CASQ2: variants seen among roughly 807,000 people sequenced by gnomAD.
CASQ2 encodes calsequestrin 2, also known as calsequestrin-2.
CASQ2 carries 49 observed loss-of-function variants against 46.5 expected under a neutral mutation model. The ratio of observed to expected loss-of-function variants is 1.05; its 90% confidence interval spans 0.84 to 1.34. The LOEUF (loss-of-function observed/expected upper bound fraction) is 1.34. CASQ2 is among the 40% of genes most tolerant of loss of function. The pLI is 0.00. For missense variants in CASQ2, 486 were observed against 481.3 expected (o/e 1.01, Z -0.09); for synonymous variants, 174 against 168.5 (o/e 1.03, Z -0.25).
chr1:115,766,353 A>C (rs7520260), intron 1 of CASQ2, among the ~76,000 whole-genome samples: 136,931 of 152,218 alleles, frequency 0.9, 61,753 homozygotes, highest in East Asian at 0.97. Context: ...TTCAGTTTCC[A>C]CATCTATAAA....
At chr1:115,703,072 C>T in intron 9 of CASQ2, 77 bp from the exon 10 acceptor site, 1 of 1,117,966 alleles carries the variant, frequency 8.9e-7, no homozygotes, top group Non-Finnish European at 1.3e-6. Flanking sequence ...CGTCCCATCA[C>T]AGTAACTAGG....
At chr1:115,709,630 T>C (rs1441538727) in intron 8 of CASQ2, among the ~76,000 whole-genome samples, 1 of 152,112 alleles carries the variant, frequency 6.6e-6, no homozygotes, top group African/African-American at 2.4e-5. Flanking sequence ...ACCCAGACAT[T>C]CCAAACTCCA....
chr1:115,738,913 A>T (rs9428207), intron 3 of CASQ2, among the ~76,000 whole-genome samples: 1 of 148,164 alleles, frequency 6.7e-6, no homozygotes, highest in Non-Finnish European at 1.5e-5. Context: ...TTTGGCAACT[A>T]CTCTCTGCTT....
rs1231157630 is a variant in CASQ2 at position 115,701,440 on chromosome 1, C to CA, written c.1015-15dup. The CA allele has an allele frequency of 6.4e-7, 1 of 1,552,874 alleles. No individual in the cohort carries two copies. Among genetic ancestry groups the CA allele is most frequent in the Non-Finnish European group, 8.9e-7 (1 of 1,124,586 alleles). On this transcript the variant is annotated splice_polypyrimidine_tract_variant and intron_variant, in intron 10 of 10. Transcript: ENST00000261448. The stretch of plus-strand genomic sequence containing the variant: ...GACACTGTCAGCCTGCAGTGAGGGA[C>CA]AAAATGAATGAGTGGGTAAATGCAT...
intron 10 of CASQ2, among the ~76,000 whole-genome samples, chr1:115,702,383 C>T (rs897181709): frequency 2.0e-5 from 3 of 152,120 alleles, no homozygotes; most frequent in Non-Finnish European, 2.9e-5. Flanking sequence ...CTAAGATTTC[C>T]TCGCATTCTG....
chr1:115,729,575 C>T (rs938890085), intron 5 of CASQ2, among the ~76,000 whole-genome samples: 1 of 152,038 alleles, frequency 6.6e-6, no homozygotes, highest in Non-Finnish European at 1.5e-5. Context: ...TTCTTTCATG[C>T]TTTTATCTGT....
chr1:115,710,529 A>G (rs547732554), intron 8 of CASQ2, among the ~76,000 whole-genome samples: 15 of 152,226 alleles, frequency 9.9e-5, no homozygotes, highest in African/African-American at 3.6e-4. Flanking sequence ...GAAAGCTTCA[A>G]CATCAGGGAA....
At chr1:115,758,929 T>C (rs535175419) in intron 1 of CASQ2, among the ~76,000 whole-genome samples, 3 of 152,310 alleles carry the variant, frequency 2.0e-5, no homozygotes, top group African/African-American at 7.2e-5. Context: ...GCAACACAAA[T>C]GTACTGCAAG....
intron 4 of CASQ2, among the ~76,000 whole-genome samples, chr1:115,733,307 T>C (rs1309744169): frequency 6.6e-6 from 1 of 152,144 alleles, no homozygotes; most frequent in East Asian, 1.9e-4. Context: ...GACCTTTCAT[T>C]CTAACTCACT....
At position 115,723,698 on chromosome 1, in the gene CASQ2, C is replaced by T. The variant is rs541066902; in HGVS notation, c.783+1810G>A. On this transcript the variant is annotated intron_variant, in intron 7 of 10. Coordinates refer to ENST00000261448, the MANE Select transcript of CASQ2 (RefSeq NM_001232.4). ...GACTACAGGCGCCTGCCACCATACT[C>T]GGCTAATTTTTGTATTTTTTGGTAG... is the stretch of plus-strand genomic sequence containing the variant. 3.3e-5 allele frequency among the ~76,000 whole-genome samples: 5 copies of T among 152,028 alleles called. No homozygotes were observed. In the South Asian group the frequency reaches 1.0e-3, roughly 32 times the overall value.
chr1:115,726,058 C>A (rs555640416), intron 6 of CASQ2, among the ~76,000 whole-genome samples: 22 of 152,316 alleles, frequency 1.4e-4, no homozygotes, highest in African/African-American at 5.3e-4. Flanking sequence ...AGTTTCATTT[C>A]TTTCTGAATA....
intron 3 of CASQ2, among the ~76,000 whole-genome samples, chr1:115,738,671 A>C (rs527861044): frequency 2.6e-5 from 4 of 152,324 alleles, no homozygotes; most frequent in African/African-American, 9.6e-5. Flanking sequence ...AAATAATTAA[A>C]TCAAGCTAAT....
At chr1:115,736,409 G>A (rs1463416362) in intron 4 of CASQ2, among the ~76,000 whole-genome samples, 2 of 152,052 alleles carry the variant, frequency 1.3e-5, no homozygotes, top group African/African-American at 4.8e-5. Flanking sequence ...GGCTGAGGCG[G>A]GTGGATCACT....
chr1:115,761,233 C>T (rs1481612440), intron 1 of CASQ2, among the ~76,000 whole-genome samples: 1 of 149,304 alleles, frequency 6.7e-6, no homozygotes, highest in Admixed American at 6.7e-5. Context: ...CCTGTCTCTA[C>T]TAAAAATACA....
chr1:115,749,719 C>A (rs143749924), intron 1 of CASQ2, among the ~76,000 whole-genome samples: 1 of 152,204 alleles, frequency 6.6e-6, no homozygotes, highest in Non-Finnish European at 1.5e-5. Flanking sequence ...CTCTGCTGGG[C>A]CAGTGGGGCA....
chr1:115,744,141 CAA>C lies in CASQ2; in HGVS notation c.319+685_319+686del, dbSNP rs71683766. Among the ~76,000 whole-genome samples the C allele has an allele frequency of 6.9e-3, 894 of 129,124 alleles. 9 individuals carry two copies. Among genetic ancestry groups the C allele is most frequent in the Middle Eastern group, 0.019 (5 of 262 alleles). The allele number at this position is 129,124 out of a possible 152,430, so 84.7% of individuals were successfully genotyped here. A position where few individuals can be genotyped will look rare whatever the true frequency, so the allele number is the denominator to read the frequency against. ...CCTGGGTGACAGTGAGAACCTGTCT[CAA>C]AAAAAAAAAAAAAAGAAAAAAAGAA... On this transcript the variant is annotated intron_variant, in intron 2 of 10. Transcript: ENST00000261448.
intron 8 of CASQ2, among the ~76,000 whole-genome samples, chr1:115,713,208 C>T (rs2101064252): frequency 6.6e-6 from 1 of 152,320 alleles, no homozygotes. Context: ...AGATGTCAGC[C>T]TGACACAGAC....
intron 5 of CASQ2, among the ~76,000 whole-genome samples, chr1:115,729,572 A>T (rs1647717585): frequency 6.6e-6 from 1 of 152,226 alleles, no homozygotes. Context: ...GAATTCTTTC[A>T]TGCTTTTATC....
At chr1:115,720,659 G>A (rs1263698402) in intron 7 of CASQ2, among the ~76,000 whole-genome samples, 2 of 152,198 alleles carry the variant, frequency 1.3e-5, no homozygotes, top group Non-Finnish European at 2.9e-5. Flanking sequence ...ATTTCCCAAA[G>A]AACCGGAGAT....
Sources: allele counts gnomAD v4.1 joint callset (sites outside exome capture counted in the v4.1 genomes callset), GRCh38; gene constraint gnomAD v4.1.1; transcripts MANE v1.5; gene names NCBI Gene and HGNC (gene_info 2026-07-23, HGNC 2026-07-21).